MEF2C: variants seen among roughly 807,000 people sequenced by gnomAD.
MEF2C encodes the protein myocyte-specific enhancer factor 2C.
In MEF2C, 6 loss-of-function variants were observed where a neutral mutation model predicts 50.5. The observed-to-expected ratio is 0.12, with a 90% CI of 0.07 to 0.23. MEF2C has a LOEUF of 0.23. Among genes scored for constraint, MEF2C ranks in the 10% least tolerant of loss-of-function variants. The pLI is 1.00. For synonymous variants in MEF2C, 183 were observed against 228.0 expected, an observed-to-expected ratio of 0.80 and a Z score of 1.78; for missense variants, 276 against 605.0, an observed-to-expected ratio of 0.46 and a Z score of 5.70.
In MEF2C at chr5:88,749,109, T is replaced by A. The variant is rs1363110487; in HGVS notation, c.598A>T (p.Met200Leu). The A allele has an allele frequency of 1.9e-6, 3 of 1,573,514 alleles. No homozygotes were observed. Among genetic ancestry groups the A allele is most frequent in the East Asian group, 2.3e-5 (1 of 42,916 alleles). ...GCACCAGACGTGAGGTCTCCACCCATCAGACCACCTATGGATTAAAGAGGA... is the reference window on the plus strand; with the variant it reads ...GCACCAGACGTGAGGTCTCCACCCAACAGACCACCTATGGATTAAAGAGGA... ...PPSAGNTGGLMGGDLTSGAGT... is the reference protein window; with the variant it reads ...PPSAGNTGGLLGGDLTSGAGT... The change falls in exon 6 of 11, where the codon ATG (methionine) becomes TTG (leucine). Residue 200 changes from methionine (M) to leucine (L), a missense_variant. This residue lies in a region of MEF2C where 256 missense variants were observed against 468.1 expected (regional missense o/e 0.55). Coordinates refer to ENST00000504921, the MANE Select transcript of MEF2C (RefSeq NM_002397.5).
At chr5:88,895,072 A>G (rs1242211835) in intron 1 of MEF2C, among the ~76,000 whole-genome samples, 1 of 152,226 alleles carries the variant, frequency 6.6e-6, no homozygotes, top group Non-Finnish European at 1.5e-5. Flanking sequence ...AAAATTCTCA[A>G]TAAATGTTAG....
rs1378058473 is a variant in MEF2C, at chr5:88,719,360, C to A, written c.*3244G>T. On this transcript the variant is annotated 3_prime_UTR_variant, in exon 11 of 11. Coordinates refer to ENST00000504921, the MANE Select transcript of MEF2C (RefSeq NM_002397.5). Reference sequence around the variant, plus strand: ...TTTTTAAAAAGGTTGAAATAAACAGCCTCCACGCAGCAATGCATACAATAT... The same window carrying A: ...TTTTTAAAAAGGTTGAAATAAACAGACTCCACGCAGCAATGCATACAATAT... The A allele has an allele frequency of 6.6e-6, 1 of 152,172 alleles. No individual in the cohort carries two copies. The highest frequency in any genetic ancestry group is 1.5e-5 in the Non-Finnish European group (1 of 68,020). The allele number at this position is 152,172 out of a possible 1,614,324, so 9.4% of individuals were successfully genotyped here.
rs1756829018 is a variant in MEF2C, at chr5:88,722,888, G to C, written c.1138C>G (p.Leu380Val). Reference protein sequence around the residue: ...TSTHLSQSSNLSLPSTQSLNI... With the variant: ...TSTHLSQSSNVSLPSTQSLNI... Reference sequence around the variant, plus strand: ...AGGCTTTGAGTAGAAGGCAGGGAGAGATTTGAACTCTGAGATAAATGAGTG... The same window carrying C: ...AGGCTTTGAGTAGAAGGCAGGGAGACATTTGAACTCTGAGATAAATGAGTG... The change falls in exon 11 of 11, where the codon CTC (leucine) becomes GTC (valine). Residue 380 changes from leucine to valine, a missense_variant. Around this residue, in one of 2 missense-constraint regions of MEF2C, gnomAD observed 256 missense variants for 468.1 expected, o/e 0.55. Coordinates refer to ENST00000504921, the MANE Select transcript of MEF2C (RefSeq NM_002397.5). The C allele has an allele frequency of 1.2e-6, 2 of 1,612,164 alleles. No homozygotes were observed. Among genetic ancestry groups the C allele is most frequent in the Non-Finnish European group, 1.7e-6 (2 of 1,178,626 alleles).
At chr5:88,798,178 G>A (rs1295839405) in intron 3 of MEF2C, among the ~76,000 whole-genome samples, 1 of 152,122 alleles carries the variant, frequency 6.6e-6, no homozygotes, top group African/African-American at 2.4e-5. Context: ...GAATTTGAAT[G>A]TTGGCCTGTC....
chr5:88,756,206 G>T (rs183045933), intron 4 of MEF2C, among the ~76,000 whole-genome samples: 73 of 152,048 alleles, frequency 4.8e-4, no homozygotes, highest in African/African-American at 1.6e-3. Context: ...TTGTTACATG[G>T]ATATATTGCA....
chr5:88,793,496 A>T (rs1320869550), intron 3 of MEF2C, among the ~76,000 whole-genome samples: 1 of 152,180 alleles, frequency 6.6e-6, no homozygotes, highest in Non-Finnish European at 1.5e-5. Flanking sequence ...ATAGCATATA[A>T]CACAGAGCAG....
At chr5:88,801,306 TTAAAA>T (rs568004504) in intron 3 of MEF2C, among the ~76,000 whole-genome samples, 1 of 152,248 alleles carries the variant, frequency 6.6e-6, no homozygotes, top group South Asian at 2.1e-4. Flanking sequence ...TTCCATTAAA[TTAAAA>T]TAAATAGGAT....
chr5:88,777,008 T>A lies in MEF2C; in HGVS notation c.259-15680A>T, dbSNP rs113893812. Among the ~76,000 whole-genome samples, 817 of 152,350 alleles carry A rather than the reference T, an allele frequency of 5.4e-3. 6 individuals are homozygous for A. The highest frequency in any genetic ancestry group is 0.019 in the African/African-American group (795 of 41,586). ...TCCTGGCTGCCTGATTTTGTAGTCA[T>A]GATGGCTTCAATAACTTCAGGCATT... On this transcript the variant is annotated intron_variant, in intron 3 of 10. Transcript: ENST00000504921.
At chr5:88,794,011 A>G (rs1392891952) in intron 3 of MEF2C, among the ~76,000 whole-genome samples, 1 of 152,172 alleles carries the variant, frequency 6.6e-6, no homozygotes, top group Non-Finnish European at 1.5e-5. Flanking sequence ...TCCATGGCGT[A>G]TATGTGCCAC....
At chr5:88,878,758 A>G (rs567268857) in intron 1 of MEF2C, among the ~76,000 whole-genome samples, 71 of 152,124 alleles carry the variant, frequency 4.7e-4, no homozygotes, top group South Asian at 6.2e-4. Flanking sequence ...AAAAAAAATT[A>G]TATCTCTTTT....
rs1825637708 is a variant in MEF2C, at chr5:88,861,864, A to G, written c.-143+21091T>C. ...AGGTGATAATTTTCTAATTGCATGTATGATGTTAATGTATTATCTATTTGA... is the reference window on the plus strand; with the variant it reads ...AGGTGATAATTTTCTAATTGCATGTGTGATGTTAATGTATTATCTATTTGA... On this transcript the variant is annotated intron_variant, in intron 1 of 10. Coordinates refer to ENST00000504921, the MANE Select transcript of MEF2C (RefSeq NM_002397.5). 2.0e-5 allele frequency among the ~76,000 whole-genome samples: 3 copies of G among 152,320 alleles called. No homozygotes were observed. The South Asian group carries it at 6.2e-4, about 32-fold the overall frequency.
chr5:88,768,746 C>A, intron 3 of MEF2C: 3 of 960,144 alleles, frequency 3.1e-6, no homozygotes, highest in Non-Finnish European at 3.7e-6. Context: ...CAACTGCAAT[C>A]TCTTTTTTTT....
intron 1 of MEF2C, among the ~76,000 whole-genome samples, chr5:88,866,731 T>C (rs943739285): frequency 1.3e-5 from 2 of 152,230 alleles, no homozygotes; most frequent in African/African-American, 4.8e-5. Flanking sequence ...ACATCTAACT[T>C]TGGTTTTAAA....
intron 3 of MEF2C, 104 bp from the exon 4 acceptor site, chr5:88,761,432 A>T: frequency 7.5e-7 from 1 of 1,339,938 alleles, no homozygotes; most frequent in South Asian, 1.4e-5. Flanking sequence ...GTTATTACAT[A>T]TGCTTTATTC....
intron 2 of MEF2C, among the ~76,000 whole-genome samples, chr5:88,812,871 G>A (rs770353803): frequency 2.6e-5 from 4 of 152,106 alleles, no homozygotes; most frequent in Admixed American, 6.6e-5. Context: ...AGGGGCTGAA[G>A]TTCAGCTCAA....
At chr5:88,745,831 A>G (rs1413199004) in intron 6 of MEF2C, among the ~76,000 whole-genome samples, 1 of 152,090 alleles carries the variant, frequency 6.6e-6, no homozygotes, top group Non-Finnish European at 1.5e-5. Flanking sequence ...CACACATACA[A>G]ACACACAGTA....
At chr5:88,875,663 G>A (rs1830825270) in intron 1 of MEF2C, among the ~76,000 whole-genome samples, 1 of 151,950 alleles carries the variant, frequency 6.6e-6, no homozygotes, top group African/African-American at 2.4e-5. Flanking sequence ...TAATGTCTTA[G>A]TAATTTAAGA....
chr5:88,808,275 C>T (rs2153098702), intron 2 of MEF2C, among the ~76,000 whole-genome samples: 1 of 152,244 alleles, frequency 6.6e-6, no homozygotes, highest in African/African-American at 2.4e-5. Flanking sequence ...AGGCACTGAC[C>T]TAGACTACTT....
chr5:88,820,520 T>C lies in MEF2C; in HGVS notation c.54+3215A>G, dbSNP rs147837772. ...CTTATAACATCAGTGCTGTAATATT[T>C]CATTTCACACTTGAAGTCAGTATTT... On this transcript the variant is annotated intron_variant, in intron 2 of 10. Coordinates refer to ENST00000504921, the MANE Select transcript of MEF2C (RefSeq NM_002397.5). Among the ~76,000 whole-genome samples, 1,161 of 152,138 alleles carry C rather than the reference T, an allele frequency of 7.6e-3. 15 individuals are homozygous for C. The highest frequency in any genetic ancestry group is 0.017 in the Middle Eastern group (5 of 294).
Sources: gnomAD v4.1 joint callset for allele counts (sites outside exome capture counted in the v4.1 genomes callset) on GRCh38, gnomAD v4.1.1 for gene constraint, gnomAD v4.1.1 regional missense constraint, MANE v1.5 for transcripts, NCBI Gene and HGNC (gene_info 2026-07-23, HGNC 2026-07-21) for gene names.